Variants in CALN1 observed in about 807,000 individuals in gnomAD.
CALN1 encodes calneuron 1.
A neutral mutation model predicts 30.6 loss-of-function variants in CALN1; 17 were observed. The ratio of observed to expected loss-of-function variants is 0.56; its 90% confidence interval spans 0.38 to 0.83. The LOEUF is 0.83. Among genes scored for constraint, CALN1 ranks in the 40% least tolerant of loss-of-function variants. CALN1 has a pLI of 0.00. For missense variants in CALN1, 291 were observed against 354.9 expected (o/e 0.82, Z 1.45); for synonymous variants, 156 against 131.4 (o/e 1.19, Z -1.28).
At chr7:71,823,502 A>G (rs1788715752) in intron 5 of CALN1, among the ~76,000 whole-genome samples, 1 of 152,080 alleles carries the variant, frequency 6.6e-6, no homozygotes, top group African/African-American at 2.4e-5. Flanking sequence ...GGCGGATCAC[A>G]AGGTCAGGAG....
At chr7:72,463,520 C>A in the CALN1 span, among the ~76,000 whole-genome samples, 3 of 152,122 alleles carry the variant, frequency 2.0e-5, no homozygotes, top group South Asian at 2.1e-4. Flanking sequence ...GGTACTCCCC[C>A]CAACATTGGA....
rs551169874 is a variant in CALN1, at chr7:71,828,211, C to A, written c.502-17719G>T. Among the ~76,000 whole-genome samples, 8 of 152,226 alleles carry A rather than the reference C, an allele frequency of 5.3e-5. No individual in the cohort carries two copies. In the East Asian group the frequency reaches 1.5e-3, roughly 29 times the overall value. On this transcript the variant is annotated intron_variant, in intron 5 of 6. Coordinates refer to ENST00000395275, the MANE Select transcript of CALN1 (RefSeq NM_031468.4). Reference sequence around the variant, plus strand: ...ACCCCAAATAATAATTCATTGGTGTCTCAGCCCTTCACACCAGCTTGATCT... The same window carrying A: ...ACCCCAAATAATAATTCATTGGTGTATCAGCCCTTCACACCAGCTTGATCT...
Position 71,971,365 on chromosome 7 carries a change from G to A in CALN1, c.501+52292C>T, listed in dbSNP as rs112439349. Among the ~76,000 whole-genome samples the A allele has an allele frequency of 6.8e-3, 1,028 of 152,186 alleles. 13 individuals carry two copies. Among genetic ancestry groups the A allele is most frequent in the African/African-American group, 0.023 (973 of 41,520 alleles). On this transcript the variant is annotated intron_variant, in intron 5 of 6. Transcript: ENST00000395275. ...CTTGGGAGGCTGAGGCAGGAGAATC[G>A]CTTGAACCTGGGAGGCAGAGGTTGA...
chr7:72,212,119 A>G (rs1234816594), intron 3 of CALN1, among the ~76,000 whole-genome samples: 1 of 152,064 alleles, frequency 6.6e-6, no homozygotes, highest in Non-Finnish European at 1.5e-5. Context: ...TTGGGAGGCC[A>G]AGGCGGGCAG....
In CALN1 at chr7:72,278,701, C is replaced by A. The variant is rs753021517; in HGVS notation, c.229G>T (p.Val77Leu). 12 of 1,613,706 alleles carry A rather than the reference C, an allele frequency of 7.4e-6. No homozygotes were observed. The highest frequency in any genetic ancestry group is 9.3e-6 in the Non-Finnish European group (11 of 1,179,678). ...GGCTCCTTACCATCGAGCTCCTCCA[C>A]GGAGATATTAGCCAGCTGTTCGCTG... Reference protein sequence around the residue: ...SDSEQLANISVEELDEIREAF... With the variant: ...SDSEQLANISLEELDEIREAF... The change falls in exon 3 of 7, where the codon GTG (valine) becomes TTG (leucine). Residue 77 changes from valine to leucine, a missense_variant. Physicochemically the swap from Val to Leu is conservative, Grantham distance 32 (BLOSUM62 1). Transcript: ENST00000395275.
At chr7:72,020,664 C>T (rs1562982669) in intron 5 of CALN1, among the ~76,000 whole-genome samples, 1 of 152,188 alleles carries the variant, frequency 6.6e-6, no homozygotes, top group Non-Finnish European at 1.5e-5. Context: ...AATTTTCCCT[C>T]CTTTCTCCAG....
chr7:71,974,820 T>C (rs1396566011), intron 5 of CALN1, among the ~76,000 whole-genome samples: 1 of 152,218 alleles, frequency 6.6e-6, no homozygotes, highest in African/African-American at 2.4e-5. Flanking sequence ...CCTACGGCTC[T>C]GTAGCTCCGA....
At chr7:72,335,103 A>G (rs1311658265) in intron 2 of CALN1, among the ~76,000 whole-genome samples, 3 of 152,230 alleles carry the variant, frequency 2.0e-5, no homozygotes, top group African/African-American at 7.2e-5. Flanking sequence ...ACACCTGGAC[A>G]TGAGTACAGG....
chr7:72,123,412 A>AT (rs1010561443), intron 3 of CALN1, among the ~76,000 whole-genome samples: 6 of 152,066 alleles, frequency 3.9e-5, no homozygotes, highest in African/African-American at 1.4e-4. Flanking sequence ...CTGTTGTGTG[A>AT]TTTTTTTCCC....
chr7:71,798,061 C>CAGAGAGAG (rs147120862), intron 6 of CALN1, among the ~76,000 whole-genome samples: 1 of 116,878 alleles, frequency 8.6e-6, no homozygotes, highest in Non-Finnish European at 1.7e-5. Context: ...GAGAGAGAGA[C>CAGAGAGAG]AGAGAGAGAG....
intron 2 of CALN1, among the ~76,000 whole-genome samples, chr7:72,401,161 G>C (rs1381215378): frequency 6.6e-6 from 1 of 152,148 alleles, no homozygotes; most frequent in Non-Finnish European, 1.5e-5. Flanking sequence ...TTTCTCTCAA[G>C]GGTCTCACAA....
intron 5 of CALN1, among the ~76,000 whole-genome samples, chr7:71,906,577 G>C (rs746043367): frequency 8.5e-5 from 13 of 152,266 alleles, no homozygotes; most frequent in South Asian, 2.1e-4. Flanking sequence ...CAGGCACTGG[G>C]TATCACCGAT....
chr7:72,404,340 G>A (rs1282210359), intron 1 of CALN1, among the ~76,000 whole-genome samples: 1 of 152,108 alleles, frequency 6.6e-6, no homozygotes, highest in Non-Finnish European at 1.5e-5. Flanking sequence ...TAAAATAATT[G>A]GTGCTCAATA....
Position 72,420,621 on chromosome 7 carries a change from CTT to C in CALN1, c.-225-8348_-225-8347del, listed in dbSNP as rs1162542514. The stretch of plus-strand genomic sequence containing the variant: ...CTGCTCCAGGCTGATCTGGATGCAT[CTT>C]TTTTTTTTTTTTTTTTTTGAGACGG... On this transcript the variant is annotated intron_variant, in intron 1 of 6. Coordinates refer to the CALN1 transcript ENST00000395276. 9.6e-4 allele frequency among the ~76,000 whole-genome samples: 126 copies of C among 131,258 alleles called. 1 individual carries two copies. Among genetic ancestry groups the C allele is most frequent in the Middle Eastern group, 3.8e-3 (1 of 264 alleles). The allele number at this position is 131,258 out of a possible 152,430, so 86.1% of individuals were successfully genotyped here.
intron 3 of CALN1, among the ~76,000 whole-genome samples, chr7:72,106,738 GAGGGAGGAAGGA>G (rs1807163379): frequency 3.1e-5 from 1 of 32,622 alleles, no homozygotes; most frequent in South Asian, 1.9e-3. Flanking sequence ...GGGAGGAAGG[GAGGGAGGAAGGA>G]AGGGAGGGAG....
chr7:71,969,859 CTG>C (rs1173491482), intron 5 of CALN1, among the ~76,000 whole-genome samples: 4 of 150,384 alleles, frequency 2.7e-5, no homozygotes, highest in African/African-American at 9.8e-5. Context: ...GGGTCTCACT[CTG>C]TCACCCAGGC....
intron 5 of CALN1, among the ~76,000 whole-genome samples, chr7:71,967,109 CAACTT>C (rs1425562644): frequency 1.3e-5 from 2 of 151,992 alleles, no homozygotes; most frequent in African/African-American, 4.8e-5. Context: ...AAAATGGAAA[CAACTT>C]AAATATTAAA....
the CALN1 span, among the ~76,000 whole-genome samples, chr7:72,456,400 T>C: frequency 6.6e-6 from 1 of 151,782 alleles, no homozygotes; most frequent in Non-Finnish European, 1.5e-5. Context: ...AAGCCAAGAA[T>C]GGTGGTACAC....
intron 3 of CALN1, among the ~76,000 whole-genome samples, chr7:72,126,404 A>C (rs906700009): frequency 1.3e-5 from 2 of 151,896 alleles, no homozygotes; most frequent in Non-Finnish European, 2.9e-5. Context: ...AACTGGAAGA[A>C]AGATCCACAA....
Sources: gnomAD v4.1 joint callset for allele counts (sites outside exome capture counted in the v4.1 genomes callset) on GRCh38, gnomAD v4.1.1 for gene constraint, MANE v1.5 for transcripts, NCBI Gene and HGNC (gene_info 2026-07-23, HGNC 2026-07-21) for gene names.